The following MTFR1 variants were observed in gnomAD, a reference collection of about 807,000 sequenced individuals.
The protein encoded by MTFR1 is chondrocyte protein with a poly-proline region.
Under a neutral mutation model 38.8 loss-of-function variants are expected in MTFR1, and 28 were observed. That is an observed-to-expected ratio of 0.72 (90% CI 0.53 to 0.99). The LOEUF (loss-of-function observed/expected upper bound fraction) is 0.99. Among genes scored for constraint, MTFR1 ranks in the 50% least tolerant of loss-of-function variants. MTFR1 has a pLI of 0.00. For synonymous variants in MTFR1, 145 were observed against 137.0 expected (o/e 1.06, Z -0.41); for missense variants, 358 against 395.5 (o/e 0.91, Z 0.81).
At chr8:65,698,544 T>G (rs1472471571) in intron 4 of MTFR1, among the ~76,000 whole-genome samples, 2 of 152,086 alleles carry the variant, frequency 1.3e-5, no homozygotes, top group African/African-American at 4.8e-5. Context: ...TTTTTAAAAA[T>G]GGAATTAAAA....
At chr8:65,694,702 T>C (rs1397285484) in intron 4 of MTFR1, among the ~76,000 whole-genome samples, 1 of 152,230 alleles carries the variant, frequency 6.6e-6, no homozygotes, top group Non-Finnish European at 1.5e-5. Context: ...AGGAAATCAG[T>C]TGATACTGTA....
At chr8:65,724,563 T>C (rs1406736582) in intron 3 of MTFR1, among the ~76,000 whole-genome samples, 3 of 152,182 alleles carry the variant, frequency 2.0e-5, no homozygotes, top group Non-Finnish European at 2.9e-5. Flanking sequence ...ATCAGAAATC[T>C]TGAGTATGAA....
intron 1 of MTFR1, among the ~76,000 whole-genome samples, chr8:65,658,322 A>G (rs1416394276): frequency 6.6e-6 from 1 of 152,236 alleles, no homozygotes; most frequent in Non-Finnish European, 1.5e-5. Flanking sequence ...TATTATAACT[A>G]TCTCAAAAAC....
intron 2 of MTFR1, among the ~76,000 whole-genome samples, chr8:65,677,845 G>T (rs111305838): frequency 6.6e-6 from 1 of 150,688 alleles, no homozygotes; most frequent in Non-Finnish European, 1.5e-5. Context: ...GTGAAACCCC[G>T]TCTCTACTAA....
chr8:65,645,583 T>A (rs974487500), intron 1 of MTFR1, among the ~76,000 whole-genome samples: 1 of 151,434 alleles, frequency 6.6e-6, no homozygotes, highest in African/African-American at 2.4e-5. Context: ...TGGAGTGCAG[T>A]GGCGGGATCT....
chr8:65,754,585 C>T (rs1808129071), intron 3 of MTFR1, among the ~76,000 whole-genome samples: 2 of 151,494 alleles, frequency 1.3e-5, no homozygotes, highest in Admixed American at 1.3e-4. Flanking sequence ...ATCCGCCCGC[C>T]TCGGCCTCCC....
Position 65,669,917 on chromosome 8 carries a change from C to T in MTFR1, c.-36C>T, listed in dbSNP as rs201786946. The T allele has an allele frequency of 1.9e-6, 3 of 1,582,356 alleles. No individual in the cohort carries two copies. The highest frequency in any genetic ancestry group is 2.2e-5 in the East Asian group (1 of 44,522). On this transcript the variant is annotated 5_prime_UTR_variant, in exon 2 of 8. Coordinates refer to ENST00000262146, the MANE Select transcript of MTFR1 (RefSeq NM_014637.4). ...GCTGCTATGTATGCCTGAAGAAGTA[C>T]TTGAAATGCAAATTTGGGGAGACTT...
intron 4 of MTFR1, among the ~76,000 whole-genome samples, chr8:65,696,475 A>G (rs1223457709): frequency 6.6e-6 from 1 of 152,168 alleles, no homozygotes; most frequent in Non-Finnish European, 1.5e-5. Context: ...ATTGATGTTG[A>G]TAAGTCAAGA....
At chr8:65,717,440 C>T (rs1473331256) in intron 2 of MTFR1, 1 of 152,132 alleles carries the variant, frequency 6.6e-6, no homozygotes, top group Non-Finnish European at 1.5e-5. Flanking sequence ...TGCAGTTCAC[C>T]ACTGTAGGAA....
Position 65,704,847 on chromosome 8 carries a change from C to T in MTFR1, c.435C>T (p.Cys145=), listed in dbSNP as rs149744161. The change falls in exon 5 of 8, where the codon TGC becomes TGT. Residue 145 remains cysteine, a synonymous_variant. Coordinates refer to ENST00000262146, the MANE Select transcript of MTFR1 (RefSeq NM_014637.4). The stretch of plus-strand genomic sequence containing the variant: ...ATGAGGAAGCACTGCAGAAGATTTG[C>T]GCTCTCGAAAATGAACTTGCTGCTC... ...LANEEALQKI[C]ALENELAALR... 134 of 1,613,894 alleles carry T rather than the reference C, an allele frequency of 8.3e-5. No individual in the cohort carries two copies. Among genetic ancestry groups the T allele is most frequent in the Middle Eastern group, 8.3e-4 (5 of 6,058 alleles).
chr8:65,765,824 G>A (rs1808754499), intron 3 of MTFR1, among the ~76,000 whole-genome samples: 1 of 152,252 alleles, frequency 6.6e-6, no homozygotes, highest in South Asian at 2.1e-4. Context: ...CATGCATAAT[G>A]GGATTATAAT....
intron 3 of MTFR1, chr8:65,728,099 C>A (rs2129067167): frequency 6.6e-6 from 1 of 152,320 alleles, no homozygotes; most frequent in Admixed American, 6.5e-5. Context: ...CACAGCACCT[C>A]ATGACCTGCC....
intron 1 of MTFR1, among the ~76,000 whole-genome samples, chr8:65,646,792 A>G (rs183009204): frequency 1.6e-4 from 25 of 152,366 alleles, no homozygotes; most frequent in Admixed American, 2.6e-4. Flanking sequence ...CCTTTAGCAC[A>G]TAGCATATAT....
chr8:65,682,682 G>T, intron 3 of MTFR1: 1 of 805,678 alleles, frequency 1.2e-6, no homozygotes, highest in South Asian at 5.7e-5. Flanking sequence ...CATATGTGAA[G>T]ATTTAGGAGC....
intron 1 of MTFR1, among the ~76,000 whole-genome samples, chr8:65,655,950 A>G (rs867662580): frequency 3.3e-5 from 1 of 30,760 alleles, no homozygotes; most frequent in Non-Finnish European, 5.4e-5. Flanking sequence ...TTAAAAAAAA[A>G]AATATATATA....
In MTFR1 at chr8:65,647,160, A is replaced by T. The variant is rs1332405433; in HGVS notation, c.-81+2376A>T. On this transcript the variant is annotated intron_variant, in intron 1 of 7. Coordinates refer to ENST00000262146, the MANE Select transcript of MTFR1 (RefSeq NM_014637.4). Reference sequence around the variant, plus strand: ...ACTGTCAAAGGTGGCTTTACCAGTCATGTGAAAGGATTAGCAGTTGGTTGA... The same window carrying T: ...ACTGTCAAAGGTGGCTTTACCAGTCTTGTGAAAGGATTAGCAGTTGGTTGA... 2.0e-5 allele frequency among the ~76,000 whole-genome samples: 3 copies of T among 152,246 alleles called. No homozygotes were observed. The East Asian group carries it at 5.8e-4, about 29-fold the overall frequency.
At chr8:65,655,032 G>A (rs1809218296) in intron 1 of MTFR1, among the ~76,000 whole-genome samples, 1 of 152,130 alleles carries the variant, frequency 6.6e-6, no homozygotes, top group Non-Finnish European at 1.5e-5. Context: ...TTCTACTGAT[G>A]TCCAGCCCAG....
chr8:65,715,502 C>T (rs1027531684), downstream of MTFR1, among the ~76,000 whole-genome samples: 2 of 151,570 alleles, frequency 1.3e-5, no homozygotes, highest in East Asian at 4.0e-4. Context: ...CTCAGCCTCC[C>T]GAGTAGCTGG....
intron 3 of MTFR1, among the ~76,000 whole-genome samples, chr8:65,686,798 T>G (rs530637259): frequency 6.6e-6 from 1 of 151,524 alleles, no homozygotes; most frequent in East Asian, 2.0e-4. Flanking sequence ...TGGCAAGTTC[T>G]TGTCATCCCA....
Sources: allele counts gnomAD v4.1 joint callset (sites outside exome capture counted in the v4.1 genomes callset), GRCh38; gene constraint gnomAD v4.1.1; transcripts MANE v1.5; gene names NCBI Gene and HGNC (gene_info 2026-07-23, HGNC 2026-07-21).